The following ACTR3C variants were observed in gnomAD, a reference collection of about 807,000 sequenced individuals.
The protein encoded by ACTR3C is actin-related protein 3C.
Under a neutral mutation model 26.3 loss-of-function variants are expected in ACTR3C, and 18 were observed. That is an observed-to-expected ratio of 0.68 (90% CI 0.47 to 1.01). The LOEUF (loss-of-function observed/expected upper bound fraction) is 1.01. ACTR3C is among the 50% of genes least tolerant of loss of function. The probability of loss-of-function intolerance (pLI) is 0.00; values close to 1 mark genes in which losing one functional copy is unlikely to be tolerated. For synonymous variants in ACTR3C, 55 were observed against 94.5 expected, an observed-to-expected ratio of 0.58 and a Z score of 2.42; for missense variants, 184 against 250.7, an observed-to-expected ratio of 0.73 and a Z score of 1.80.
intron 1 of ACTR3C, among the ~76,000 whole-genome samples, chr7:150,299,505 G>T (rs903316345): frequency 6.4e-5 from 9 of 140,854 alleles, no homozygotes; most frequent in Admixed American, 5.7e-4. Context: ...CAAAAAACAG[G>T]CTGGGTGGTG....
At chr7:149,991,733 T>C in the ACTR3C span, among the ~76,000 whole-genome samples, 2 of 152,216 alleles carry the variant, frequency 1.3e-5, no homozygotes, top group African/African-American at 4.8e-5. Context: ...TCTTATGTTT[T>C]TTTGGTTTTG....
At chr7:150,194,260 TTTC>T in the ACTR3C span, among the ~76,000 whole-genome samples, 148 of 146,794 alleles carry the variant, frequency 1.0e-3, no homozygotes, top group African/African-American at 3.6e-3. Flanking sequence ...AGAAAAGTAT[TTTC>T]TTTTATATAT....
At chr7:150,319,837 T>C (rs1254602728) in intron 1 of ACTR3C, among the ~76,000 whole-genome samples, 3 of 152,184 alleles carry the variant, frequency 2.0e-5, no homozygotes, top group Admixed American at 1.3e-4. Context: ...ATGCTGTATC[T>C]GGAAGCTCTA....
the ACTR3C span, among the ~76,000 whole-genome samples, chr7:149,906,715 AG>A: frequency 2.4e-5 from 3 of 126,914 alleles, no homozygotes; most frequent in African/African-American, 9.1e-5. Context: ...TACAGGCGTG[AG>A]CCACCGCGCC....
At chr7:150,235,622 A>T in the ACTR3C span, among the ~76,000 whole-genome samples, 9,064 of 152,274 alleles carry the variant, frequency 0.06, 494 homozygotes, top group African/African-American at 0.14. Context: ...AATATGACTT[A>T]GGATTTACAA....
chr7:150,091,168 G>A, the ACTR3C span, among the ~76,000 whole-genome samples: 1 of 143,212 alleles, frequency 7.0e-6, no homozygotes, highest in African/African-American at 2.5e-5. Flanking sequence ...CCTTCCCATG[G>A]AGCCAGGGTG....
the ACTR3C span, among the ~76,000 whole-genome samples, chr7:150,208,048 T>C: frequency 2.0e-5 from 3 of 152,130 alleles, no homozygotes; most frequent in African/African-American, 7.2e-5. Context: ...GGAAACAACA[T>C]ATTTCGAGAC....
chr7:150,006,107 T>A, the ACTR3C span, among the ~76,000 whole-genome samples: 1 of 152,168 alleles, frequency 6.6e-6, no homozygotes, highest in Non-Finnish European at 1.5e-5. Flanking sequence ...GCTCTGTTTC[T>A]TTCTTGTTCC....
At chr7:150,066,714 C>A in the ACTR3C span, among the ~76,000 whole-genome samples, 8 of 152,200 alleles carry the variant, frequency 5.3e-5, no homozygotes, top group Non-Finnish European at 1.2e-4. Flanking sequence ...CAGAGATATT[C>A]TGTTAATCTC....
the ACTR3C span, among the ~76,000 whole-genome samples, chr7:150,221,746 G>T: frequency 2.0e-5 from 3 of 152,128 alleles, no homozygotes; most frequent in Non-Finnish European, 2.9e-5. Flanking sequence ...TGTAATCCCA[G>T]CACTTTGGGA....
the ACTR3C span, chr7:149,890,944 A>G: frequency 8.5e-6 from 2 of 235,132 alleles, no homozygotes; most frequent in Admixed American, 5.3e-5. Flanking sequence ...TGCATGTGCA[A>G]TTCCATCACT....
At chr7:150,112,650 A>G in the ACTR3C span, among the ~76,000 whole-genome samples, 56 of 152,126 alleles carry the variant, frequency 3.7e-4, no homozygotes, top group African/African-American at 1.3e-3. Context: ...TCCCTCCTCC[A>G]TCAAGGGAAA....
At chr7:149,971,153 A>C in the ACTR3C span, among the ~76,000 whole-genome samples, 1 of 152,318 alleles carries the variant, frequency 6.6e-6, no homozygotes, top group African/African-American at 2.4e-5. Context: ...TTCTGAACAC[A>C]ATAGAGTCTC....
the ACTR3C span, among the ~76,000 whole-genome samples, chr7:150,215,227 G>A: frequency 2.0e-5 from 3 of 152,100 alleles, no homozygotes; most frequent in Admixed American, 1.3e-4. Context: ...CCTGTGGGTA[G>A]AGGCTGACAC....
chr7:149,966,040 T>G, the ACTR3C span, among the ~76,000 whole-genome samples: 1 of 152,248 alleles, frequency 6.6e-6, no homozygotes, highest in African/African-American at 2.4e-5. Context: ...CTATGAGCAA[T>G]GTGTTTCAGA....
At chr7:150,029,137 C>A in the ACTR3C span, among the ~76,000 whole-genome samples, 1 of 151,978 alleles carries the variant, frequency 6.6e-6, no homozygotes, top group African/African-American at 2.4e-5. Flanking sequence ...CCGATGCCTC[C>A]TCCCACAGTG....
chr7:150,170,443 G>GA, the ACTR3C span, among the ~76,000 whole-genome samples: 1 of 43,268 alleles, frequency 2.3e-5, no homozygotes, highest in African/African-American at 5.1e-5. Context: ...GAATCCACAT[G>GA]TGATGATATA....
intron 1 of ACTR3C, among the ~76,000 whole-genome samples, chr7:150,306,150 C>A (rs1448204183): frequency 6.6e-6 from 1 of 152,100 alleles, no homozygotes. Context: ...TTGCAGGTAC[C>A]CATTTTTAGC....
the ACTR3C span, among the ~76,000 whole-genome samples, chr7:150,161,222 A>ATATATATATATATATATATT: frequency 9.8e-4 from 118 of 120,176 alleles, no homozygotes; most frequent in African/African-American, 3.6e-3. Context: ...ATATATATAT[A>ATATATATATATATATATATT]TATTTATTAT....
Sources: gnomAD v4.1 joint callset for allele counts (sites outside exome capture counted in the v4.1 genomes callset) on GRCh38, gnomAD v4.1.1 for gene constraint, MANE v1.5 for transcripts, NCBI Gene and HGNC (gene_info 2026-07-23, HGNC 2026-07-21) for gene names.